The following IMMP2L variants were observed in gnomAD, a reference collection of about 807,000 sequenced individuals.
The protein encoded by IMMP2L is inner mitochondrial membrane peptidase subunit 2, also known as mitochondrial inner membrane protease subunit 2.
In IMMP2L, 18 loss-of-function variants were observed where a neutral mutation model predicts 19.3. That is an observed-to-expected ratio of 0.93 (90% CI 0.64 to 1.38). The LOEUF is 1.38. Among genes scored for constraint, IMMP2L ranks in the 40% most tolerant of loss-of-function variants. The pLI, the probability that IMMP2L is intolerant of heterozygous loss-of-function variation, is 0.00. For missense variants in IMMP2L, 233 were observed against 218.2 expected, an observed-to-expected ratio of 1.07 and a Z score of -0.43; for synonymous variants, 76 against 73.0, an observed-to-expected ratio of 1.04 and a Z score of -0.21.
intron 3 of IMMP2L, among the ~76,000 whole-genome samples, chr7:111,451,143 T>A (rs1009715509): frequency 1.4e-5 from 2 of 146,216 alleles, no homozygotes; most frequent in African/African-American, 5.3e-5. Context: ...ATTGTGGAAG[T>A]CAGTGTGGCG....
chr7:111,482,926 C>T (rs1333286020), intron 3 of IMMP2L, among the ~76,000 whole-genome samples: 1 of 152,030 alleles, frequency 6.6e-6, no homozygotes, highest in Non-Finnish European at 1.5e-5. Flanking sequence ...GATCAAGGAA[C>T]TGGCATATAC....
At chr7:110,690,167 G>A (rs1016108784) in intron 5 of IMMP2L, among the ~76,000 whole-genome samples, 8 of 152,144 alleles carry the variant, frequency 5.3e-5, no homozygotes, top group African/African-American at 1.7e-4. Flanking sequence ...GTCCTATGAC[G>A]CTGGGACCTG....
intron 3 of IMMP2L, among the ~76,000 whole-genome samples, chr7:111,004,772 A>G (rs1824118294): frequency 6.6e-6 from 1 of 152,054 alleles, no homozygotes; most frequent in Admixed American, 6.6e-5. Context: ...ACTGGGCATG[A>G]TTTTTCTGTT....
At position 111,071,116 on chromosome 7, in the gene IMMP2L, A is replaced by T. The variant is rs985696042; in HGVS notation, c.240-107551T>A. The stretch of plus-strand genomic sequence containing the variant: ...ATAAATGGCCAACAAGTACATGAAA[A>T]AAATTTTCAACATAATTAGTCATTA... On this transcript the variant is annotated intron_variant, in intron 3 of 5. Coordinates refer to ENST00000405709, the MANE Select transcript of IMMP2L (RefSeq NM_032549.4). 6.6e-5 allele frequency among the ~76,000 whole-genome samples: 10 copies of T among 152,196 alleles called. 1 individual carries two copies. Among genetic ancestry groups the T allele is most frequent in the Admixed American group, 2.0e-4 (3 of 15,276 alleles).
At chr7:111,268,573 T>C (rs1444100341) in intron 3 of IMMP2L, among the ~76,000 whole-genome samples, 23 of 21,614 alleles carry the variant, frequency 1.1e-3, no homozygotes, top group African/African-American at 4.2e-3. Flanking sequence ...ATTTCTCTTT[T>C]TTTTTTTTTT....
chr7:111,052,793 C>CT lies in IMMP2L; in HGVS notation c.240-89229dup, dbSNP rs1425518743. 9.9e-5 allele frequency among the ~76,000 whole-genome samples: 15 copies of CT among 152,222 alleles called. No homozygotes were observed. In the East Asian group the frequency reaches 2.9e-3, roughly 29 times the overall value. ...TAATATCAATAGTAGTATCAATAGC[C>CT]TGCCAAGAAAGAAGACAGAGACTTT... On this transcript the variant is annotated intron_variant, in intron 3 of 5. Transcript: ENST00000405709.
At chr7:111,023,795 T>A (rs568118590) in intron 3 of IMMP2L, among the ~76,000 whole-genome samples, 1 of 152,206 alleles carries the variant, frequency 6.6e-6, no homozygotes, top group Admixed American at 6.5e-5. Flanking sequence ...TAGTGGTTAA[T>A]GTATGGGCTT....
At chr7:111,361,656 A>G (rs1346991377) in intron 3 of IMMP2L, among the ~76,000 whole-genome samples, 2 of 152,102 alleles carry the variant, frequency 1.3e-5, no homozygotes, top group Non-Finnish European at 2.9e-5. Flanking sequence ...GGTGCTGCCT[A>G]GGGATACTAG....
At chr7:111,450,383 A>G (rs910091419) in intron 3 of IMMP2L, among the ~76,000 whole-genome samples, 4 of 152,104 alleles carry the variant, frequency 2.6e-5, no homozygotes, top group Non-Finnish European at 5.9e-5. Context: ...ATGGAACAGA[A>G]CAGAGCCCTC....
At chr7:111,396,770 C>T (rs372697839) in intron 3 of IMMP2L, among the ~76,000 whole-genome samples, 15 of 152,160 alleles carry the variant, frequency 9.9e-5, no homozygotes, top group African/African-American at 3.4e-4. Context: ...AACTTTTTCT[C>T]ATAAAATAAA....
At chr7:111,342,836 G>A (rs558420569) in intron 3 of IMMP2L, among the ~76,000 whole-genome samples, 5 of 151,938 alleles carry the variant, frequency 3.3e-5, no homozygotes, top group Admixed American at 6.6e-5. Flanking sequence ...AAAGATACAC[G>A]AATCTCTAAA....
At chr7:110,714,985 T>G (rs527398121) in intron 5 of IMMP2L, among the ~76,000 whole-genome samples, 2 of 152,276 alleles carry the variant, frequency 1.3e-5, no homozygotes, top group South Asian at 4.1e-4. Context: ...TTTCTTCCTG[T>G]TTTCAATTTC....
At chr7:110,746,171 A>C (rs1797330998) in intron 5 of IMMP2L, among the ~76,000 whole-genome samples, 2 of 152,208 alleles carry the variant, frequency 1.3e-5, no homozygotes, top group Admixed American at 1.3e-4. Flanking sequence ...GACATTACAT[A>C]ATGGGAAAGG....
Position 111,545,999 on chromosome 7 carries a change from T to G in IMMP2L, c.-3+15852A>C, listed in dbSNP as rs114267513. On this transcript the variant is annotated intron_variant, in intron 1 of 5. Coordinates refer to ENST00000405709, the MANE Select transcript of IMMP2L (RefSeq NM_032549.4). ...AAAATAATCTATTCATTGTTCTGCA[T>G]TTTCCTTTTTGATTTACTACATCCT... Among the ~76,000 whole-genome samples, 642 of 152,224 alleles carry G rather than the reference T, an allele frequency of 4.2e-3. 3 individuals carry two copies. Among genetic ancestry groups the G allele is most frequent in the African/African-American group, 0.015 (607 of 41,568 alleles).
chr7:110,871,893 T>C (rs933765991), intron 5 of IMMP2L, among the ~76,000 whole-genome samples: 3 of 152,146 alleles, frequency 2.0e-5, no homozygotes, highest in Admixed American at 6.6e-5. Context: ...TATTTATTGC[T>C]CCTGATTGAG....
rs767178711 is a variant in IMMP2L, at chr7:111,547,539, G to GT, written c.-3+14311dup. On this transcript the variant is annotated intron_variant, in intron 1 of 5. Transcript: ENST00000405709. ...CCCTTTTTATCCTGCTTTTTTGCTT[G>GT]TTTTTTTTTAATTTTTTATTTATTT... Among the ~76,000 whole-genome samples the GT allele has an allele frequency of 7.3e-3, 1,000 of 136,890 alleles. 5 individuals are homozygous for GT. Among genetic ancestry groups the GT allele is most frequent in the Non-Finnish European group, 0.012 (756 of 63,434 alleles). The allele number at this position is 136,890 out of a possible 152,430, so 89.8% of individuals were successfully genotyped here. A position where few individuals can be genotyped will look rare whatever the true frequency, so the allele number is the denominator to read the frequency against.
At chr7:111,233,774 A>G (rs1813975933) in intron 3 of IMMP2L, among the ~76,000 whole-genome samples, 2 of 152,146 alleles carry the variant, frequency 1.3e-5, no homozygotes, top group Non-Finnish European at 2.9e-5. Flanking sequence ...TTCAACTTAC[A>G]TGAAATAACT....
chr7:111,127,174 G>C (rs1801398019), intron 3 of IMMP2L, among the ~76,000 whole-genome samples: 1 of 152,144 alleles, frequency 6.6e-6, no homozygotes, highest in African/African-American at 2.4e-5. Context: ...GCTGACGTTA[G>C]AATTTATCAG....
Position 110,662,668 on chromosome 7 carries a change from T to C in IMMP2L, c.*934A>G, listed in dbSNP as rs527451999. Among the ~76,000 whole-genome samples, 1 of 152,344 alleles carries C rather than the reference T, an allele frequency of 6.6e-6. No homozygotes were observed. The highest frequency in any genetic ancestry group is 2.4e-5 in the African/African-American group (1 of 41,572). ...CTTAGATGCAGGGAATTTATTCCAT[T>C]ATCCATACAAATTACAGACTCTATG... On this transcript the variant is annotated 3_prime_UTR_variant, in exon 6 of 6. Transcript: ENST00000405709.
Sources: allele counts gnomAD v4.1 joint callset (sites outside exome capture counted in the v4.1 genomes callset), GRCh38; gene constraint gnomAD v4.1.1; transcripts MANE v1.5; gene names NCBI Gene and HGNC (gene_info 2026-07-23, HGNC 2026-07-21).